Variants in CDO1 observed in about 807,000 individuals in gnomAD.
CDO1 encodes the protein cysteine dioxygenase type 1.
A neutral mutation model predicts 24.5 loss-of-function variants in CDO1; 19 were observed. The ratio of observed to expected loss-of-function variants is 0.77; its 90% CI spans 0.54 to 1.14. The LOEUF is 1.14. CDO1 is among the 50% of genes most tolerant of loss of function. The pLI, the probability that CDO1 is intolerant of heterozygous loss-of-function variation, is 0.00. For missense variants in CDO1, 244 were observed against 244.8 expected, an observed-to-expected ratio of 1.00 and a Z score of 0.02; for synonymous variants, 91 against 87.0, an observed-to-expected ratio of 1.05 and a Z score of -0.26.
At chr5:115,811,842 A>G (rs564252907) in intron 2 of CDO1, among the ~76,000 whole-genome samples, 1 of 152,328 alleles carries the variant, frequency 6.6e-6, no homozygotes, top group East Asian at 1.9e-4. Context: ...GTGTATTACC[A>G]TCCTAAAGTT....
At chr5:115,808,039 G>A (rs552577862) in intron 3 of CDO1, among the ~76,000 whole-genome samples, 2 of 152,226 alleles carry the variant, frequency 1.3e-5, no homozygotes, top group South Asian at 4.1e-4. Flanking sequence ...AAGTATAGCA[G>A]TGGGATCTTG....
intron 3 of CDO1, among the ~76,000 whole-genome samples, chr5:115,808,605 T>C (rs1045110694): frequency 6.6e-6 from 1 of 152,018 alleles, no homozygotes; most frequent in Non-Finnish European, 1.5e-5. Context: ...AAGCCTTACA[T>C]TGTAAGGAAT....
intron 3 of CDO1, among the ~76,000 whole-genome samples, chr5:115,808,282 C>G (rs980895562): frequency 6.6e-6 from 1 of 152,026 alleles, no homozygotes; most frequent in African/African-American, 2.4e-5. Flanking sequence ...CCCGGCCAGC[C>G]CTAGGCTTTT....
At chr5:115,816,190 G>A in intron 1 of CDO1, 38 bp downstream of exon 1, 1 of 1,596,848 alleles carries the variant, frequency 6.3e-7, no homozygotes, top group African/African-American at 1.3e-5. Context: ...GACGGGGCGA[G>A]TGGGCGCCGC....
intron 1 of CDO1, 21 bp downstream of exon 1, chr5:115,816,207 T>A: frequency 6.2e-7 from 1 of 1,604,584 alleles, no homozygotes; most frequent in South Asian, 1.1e-5. Context: ...CCGCCTGGCA[T>A]TGAAGCTGCA....
At chr5:115,805,538 G>A in intron 4 of CDO1, 76 bp from the exon 5 acceptor site, 1 of 1,376,088 alleles carries the variant, frequency 7.3e-7, no homozygotes, top group Non-Finnish European at 1.0e-6. Context: ...AAATAGTTCT[G>A]CTTTTGTAGC....
intron 2 of CDO1, 115 bp downstream of exon 2, chr5:115,813,047 CAAAAAAAAAAAAAAAAAAA>C: frequency 6.6e-6 from 1 of 151,188 alleles, no homozygotes; most frequent in Non-Finnish European, 1.2e-5. Context: ...ACCACTGTCT[CAAAAAAAAAAAAAAAAAAA>C]AAAAAAAATG....
At chr5:115,811,892 T>C (rs1191266244) in intron 2 of CDO1, among the ~76,000 whole-genome samples, 1 of 152,188 alleles carries the variant, frequency 6.6e-6, no homozygotes, top group Admixed American at 6.5e-5. Context: ...CAATTTACAG[T>C]GCTCTACCTG....
chr5:115,814,080 C>T (rs536353803), intron 1 of CDO1: 1 of 151,970 alleles, frequency 6.6e-6, no homozygotes, highest in South Asian at 2.1e-4. Context: ...GAAAAGGGGT[C>T]TTTACTCCAT....
chr5:115,812,799 G>C (rs2112690265), intron 2 of CDO1, among the ~76,000 whole-genome samples: 1 of 152,188 alleles, frequency 6.6e-6, no homozygotes, highest in Non-Finnish European at 1.5e-5. Context: ...TGTAATCCCA[G>C]CACTTTGGGA....
chr5:115,807,223 T>C (rs1003614914), intron 3 of CDO1, among the ~76,000 whole-genome samples: 1 of 152,168 alleles, frequency 6.6e-6, no homozygotes, highest in African/African-American at 2.4e-5. Context: ...AGGCAGAAGA[T>C]AGGAAGCAAC....
intron 2 of CDO1, among the ~76,000 whole-genome samples, chr5:115,812,651 C>A (rs2112689979): frequency 6.6e-6 from 1 of 152,192 alleles, no homozygotes; most frequent in South Asian, 2.1e-4. Flanking sequence ...ATTTACTATT[C>A]ATTTTGGGGG....
chr5:115,805,577 G>A (rs1759911184), intron 4 of CDO1, 115 bp from the exon 5 acceptor site: 1 of 855,846 alleles, frequency 1.2e-6, no homozygotes, highest in South Asian at 1.6e-5. Flanking sequence ...AAGGGCAAGG[G>A]AGCCTTGTTG....
rs774122941 is a variant in CDO1, at chr5:115,811,250, G to A, written c.314C>T (p.Thr105Ile). 1.9e-6 allele frequency: 3 copies of A among 1,612,758 alleles called. No individual in the cohort carries two copies. The highest frequency in any genetic ancestry group is 2.5e-6 in the Non-Finnish European group (3 of 1,178,882). Residue 105 changes from threonine (T) to isoleucine (I), a missense_variant, in exon 3 of 5, where the codon ACA (threonine) becomes ATA (isoleucine). Physicochemically the swap from Thr to Ile is moderately conservative, Grantham distance 89 (BLOSUM62 -1). Transcript: ENST00000250535. Reference protein sequence around the residue: ...LKMLQGNLKETLFAWPDKKSN... With the variant: ...LKMLQGNLKEILFAWPDKKSN... The stretch of plus-strand genomic sequence containing the variant: ...TTTTTTGTCAGGCCAGGCAAATAAT[G>A]TCTCCTTTAGATTTCCCTGTAGCAT...
chr5:115,811,635 A>C (rs1376874596), intron 2 of CDO1, among the ~76,000 whole-genome samples: 1 of 152,208 alleles, frequency 6.6e-6, no homozygotes, highest in Non-Finnish European at 1.5e-5. Context: ...TCTTCCCCCA[A>C]ATACATATAA....
In CDO1 at chr5:115,804,911, T is replaced by C. The variant is rs1386769787; in HGVS notation, c.*522A>G. The C allele has an allele frequency of 6.6e-6, 1 of 152,254 alleles. No individual in the cohort carries two copies. The highest frequency in any genetic ancestry group is 1.5e-5 in the Non-Finnish European group (1 of 68,078). 9.4% of individuals were successfully genotyped at this position (152,254 alleles called of 1,614,324 possible). On this transcript the variant is annotated 3_prime_UTR_variant, in exon 5 of 5. Coordinates refer to ENST00000250535, the MANE Select transcript of CDO1 (RefSeq NM_001801.3). ...TAACAAATGGCAGAGTGCCGTAAGT[T>C]CCTCTATTATTCATAGAAAAGAAAT...
intron 1 of CDO1, among the ~76,000 whole-genome samples, chr5:115,815,386 C>A (rs551716710): frequency 6.6e-6 from 1 of 152,110 alleles, no homozygotes; most frequent in Non-Finnish European, 1.5e-5. Flanking sequence ...GGGCACCTCA[C>A]TCAAGTACAT....
intron 2 of CDO1, among the ~76,000 whole-genome samples, chr5:115,811,629 C>G (rs1760193140): frequency 6.6e-6 from 1 of 152,050 alleles, no homozygotes; most frequent in South Asian, 2.1e-4. Context: ...ACTTTATCTT[C>G]CCCCAAATAC....
At chr5:115,811,356 C>A in intron 2 of CDO1, 41 bp from the exon 3 acceptor site, 3 of 1,517,814 alleles carry the variant, frequency 2.0e-6, no homozygotes, top group South Asian at 2.3e-5. Flanking sequence ...AGTAGATGGT[C>A]TAGTATCCAG....
Sources: allele counts gnomAD v4.1 joint callset (sites outside exome capture counted in the v4.1 genomes callset), GRCh38; gene constraint gnomAD v4.1.1; transcripts MANE v1.5; gene names NCBI Gene and HGNC (gene_info 2026-07-23, HGNC 2026-07-21).